Variants in SUSD4 observed in about 807,000 individuals in gnomAD.
SUSD4 encodes sushi domain containing 4, also known as sushi domain-containing protein 4.
A neutral mutation model predicts 50.5 loss-of-function variants in SUSD4; 41 were observed. The observed-to-expected ratio is 0.81, with a 90% CI of 0.63 to 1.05. The LOEUF is 1.05. SUSD4 is among the 50% of genes least tolerant of loss of function. SUSD4 has a pLI of 0.00. For synonymous variants in SUSD4, 257 were observed against 257.3 expected (o/e 1.00, Z 0.01); for missense variants, 580 against 634.7 (o/e 0.91, Z 0.93).
intron 2 of SUSD4, among the ~76,000 whole-genome samples, chr1:223,318,498 T>C (rs1666361145): frequency 8.7e-6 from 1 of 115,252 alleles, no homozygotes; most frequent in African/African-American, 3.4e-5. Context: ...TTCCTATTTC[T>C]CCACATCCTC....
intron 2 of SUSD4, among the ~76,000 whole-genome samples, chr1:223,331,683 G>A (rs576848992): frequency 7.2e-5 from 11 of 152,074 alleles, no homozygotes; most frequent in African/African-American, 1.7e-4. Context: ...CACATTTTTC[G>A]AGGCCTCAAC....
At chr1:223,320,034 G>A (rs943805368) in intron 2 of SUSD4, among the ~76,000 whole-genome samples, 1 of 152,216 alleles carries the variant, frequency 6.6e-6, no homozygotes, top group Non-Finnish European at 1.5e-5. Flanking sequence ...TTGTGATAAG[G>A]ATTAGAAGTG....
intron 4 of SUSD4, among the ~76,000 whole-genome samples, chr1:223,268,044 C>A (rs28701602): frequency 2.1e-5 from 1 of 47,984 alleles, no homozygotes; most frequent in Non-Finnish European, 4.0e-5. Flanking sequence ...TATATATATA[C>A]ACACACACTG....
intron 2 of SUSD4, among the ~76,000 whole-genome samples, chr1:223,330,346 AAT>A (rs764715359): frequency 1.3e-5 from 2 of 152,196 alleles, no homozygotes; most frequent in African/African-American, 2.4e-5. Flanking sequence ...ATATTTAAGA[AAT>A]AAAAGTTTTC....
intron 3 of SUSD4, among the ~76,000 whole-genome samples, chr1:223,273,542 C>T (rs1034710592): frequency 3.9e-5 from 6 of 152,206 alleles, no homozygotes; most frequent in Non-Finnish European, 8.8e-5. Context: ...CAGGGGCCTT[C>T]GCCATGCCAT....
In SUSD4 at chr1:223,281,434, C is replaced by T. The variant is rs548064616; in HGVS notation, c.361+11005G>A. Among the ~76,000 whole-genome samples, 3 of 152,296 alleles carry T rather than the reference C, an allele frequency of 2.0e-5. No homozygotes were observed. In the South Asian group the frequency reaches 6.2e-4, roughly 32 times the overall value. ...ACCACCAATCCCACAGAAATACAAA[C>T]TACCATCAGAGAATACTATAAACAA... is the stretch of plus-strand genomic sequence containing the variant. On this transcript the variant is annotated intron_variant, in intron 3 of 8. Transcript: ENST00000366878.
chr1:223,294,816 G>A (rs562273684), intron 2 of SUSD4, among the ~76,000 whole-genome samples: 83 of 152,298 alleles, frequency 5.4e-4, no homozygotes, highest in East Asian at 1.9e-3. Flanking sequence ...TACAAGTTGT[G>A]TTGCAGCCCA....
intron 7 of SUSD4, 32 bp from the exon 8 acceptor site, chr1:223,223,663 G>C: frequency 1.3e-6 from 2 of 1,561,144 alleles, no homozygotes; most frequent in South Asian, 1.2e-5. Flanking sequence ...CAACATGTGA[G>C]AGCCATGCCA....
chr1:223,350,777 G>C (rs373531192), intron 2 of SUSD4, among the ~76,000 whole-genome samples: 46 of 152,276 alleles, frequency 3.0e-4, no homozygotes, highest in African/African-American at 1.0e-3. Flanking sequence ...GAAAAGTACA[G>C]TGCCTGCCCT....
intron 8 of SUSD4, among the ~76,000 whole-genome samples, 156 bp downstream of exon 8, chr1:223,223,093 G>A (rs1339270827): frequency 6.6e-6 from 1 of 152,226 alleles, no homozygotes; most frequent in Admixed American, 6.5e-5. Context: ...CCTCTACATG[G>A]AGAGAGAGCA....
chr1:223,303,247 T>C (rs1225659129), intron 2 of SUSD4, among the ~76,000 whole-genome samples: 1 of 152,194 alleles, frequency 6.6e-6, no homozygotes, highest in Non-Finnish European at 1.5e-5. Context: ...ACAATCTCTG[T>C]TTGGGAAAAC....
intron 5 of SUSD4, among the ~76,000 whole-genome samples, chr1:223,244,661 T>G (rs1660800300): frequency 6.6e-6 from 1 of 152,052 alleles, no homozygotes; most frequent in African/African-American, 2.4e-5. Flanking sequence ...TAAAATCTGC[T>G]TGAGTCTTGG....
chr1:223,298,725 T>C (rs1318986341), intron 2 of SUSD4, among the ~76,000 whole-genome samples: 1 of 152,050 alleles, frequency 6.6e-6, no homozygotes, highest in African/African-American at 2.4e-5. Context: ...AAATGACTCC[T>C]GCACTGATAA....
chr1:223,307,880 T>A (rs1665639681), intron 2 of SUSD4, among the ~76,000 whole-genome samples: 1 of 152,208 alleles, frequency 6.6e-6, no homozygotes, highest in Admixed American at 6.5e-5. Context: ...ATCACCTTTA[T>A]AAATTTATCA....
intron 3 of SUSD4, among the ~76,000 whole-genome samples, chr1:223,283,483 C>T (rs1057469973): frequency 3.3e-5 from 5 of 152,166 alleles, no homozygotes; most frequent in Non-Finnish European, 7.4e-5. Flanking sequence ...TGAAAAAATG[C>T]TCATCATCAC....
Position 223,364,103 on chromosome 1 carries a change from C to G in SUSD4, c.-82G>C, listed in dbSNP as rs1157503294. 6.6e-6 allele frequency: 1 copy of G among 152,014 alleles called. No homozygotes were observed. The highest frequency in any genetic ancestry group is 2.4e-5 in the African/African-American group (1 of 41,386). 9.4% of individuals were successfully genotyped at this position (152,014 alleles called of 1,614,324 possible). On this transcript the variant is annotated 5_prime_UTR_variant, in exon 1 of 9. Coordinates refer to ENST00000366878, the MANE Select transcript of SUSD4 (RefSeq NM_017982.4). This position sits in a 1 kb window ranked among gnomAD's most constrained non-coding sequence, Gnocchi z 4.5. ...CTTCCTTCCCTCCTCCGCCTCCTCCCCCCGCCAGTCTAACCCGCATCTGTG... is the reference window on the plus strand; with the variant it reads ...CTTCCTTCCCTCCTCCGCCTCCTCCGCCCGCCAGTCTAACCCGCATCTGTG...
At chr1:223,258,306 T>C (rs1408011294) in intron 5 of SUSD4, among the ~76,000 whole-genome samples, 1 of 152,230 alleles carries the variant, frequency 6.6e-6, no homozygotes, top group Non-Finnish European at 1.5e-5. Context: ...TGATCCCAAA[T>C]TGGAACCTTT....
chr1:223,329,075 A>G (rs1220202450), intron 2 of SUSD4, among the ~76,000 whole-genome samples: 1 of 152,086 alleles, frequency 6.6e-6, no homozygotes, highest in African/African-American at 2.4e-5. Flanking sequence ...CAGACATCCT[A>G]CTGCCTCCCT....
At chr1:223,259,118 C>T (rs1486997522) in intron 5 of SUSD4, among the ~76,000 whole-genome samples, 1 of 152,228 alleles carries the variant, frequency 6.6e-6, no homozygotes, top group Non-Finnish European at 1.5e-5. Flanking sequence ...CTTTGCACAA[C>T]TCATTTGCCA....
Sources: allele counts gnomAD v4.1 joint callset (sites outside exome capture counted in the v4.1 genomes callset), GRCh38; gene constraint gnomAD v4.1.1; non-coding constraint Gnocchi (gnomAD v3.1); transcripts MANE v1.5; gene names NCBI Gene and HGNC (gene_info 2026-07-23, HGNC 2026-07-21).